ADGRV1: variants seen among roughly 807,000 people sequenced by gnomAD.
The protein encoded by ADGRV1 is G-protein coupled receptor 98.
In ADGRV1, 359 loss-of-function variants were observed where a neutral mutation model predicts 596.2. The ratio of observed to expected loss-of-function variants is 0.60; its 90% CI spans 0.55 to 0.66. ADGRV1 has a LOEUF of 0.66. Among genes scored for constraint, ADGRV1 ranks in the 30% least tolerant of loss-of-function variants. The probability of loss-of-function intolerance (pLI) is 0.00; values close to 1 mark genes in which losing one functional copy is unlikely to be tolerated. For missense variants in ADGRV1, 7,274 were observed against 7,575.6 expected, an observed-to-expected ratio of 0.96 and a Z score of 1.48; for synonymous variants, 2,681 against 2,679.2, an observed-to-expected ratio of 1.00 and a Z score of -0.02.
At chr5:90,560,825 T>C (rs1432587934) in intron 1 of ADGRV1, among the ~76,000 whole-genome samples, 2 of 152,166 alleles carry the variant, frequency 1.3e-5, no homozygotes, top group Non-Finnish European at 2.9e-5. Flanking sequence ...CACAAATGGT[T>C]TTATGGTAAT....
At chr5:91,005,215 T>C (rs1162838250) in intron 85 of ADGRV1, among the ~76,000 whole-genome samples, 1 of 152,166 alleles carries the variant, frequency 6.6e-6, no homozygotes, top group Non-Finnish European at 1.5e-5. Flanking sequence ...ACCTAAGATA[T>C]GGCTTGTAAA....
At chr5:90,804,643 A>G (rs1192340643) in intron 71 of ADGRV1, among the ~76,000 whole-genome samples, 1 of 152,234 alleles carries the variant, frequency 6.6e-6, no homozygotes, top group Non-Finnish European at 1.5e-5. Context: ...AGGTAAACTG[A>G]ATTGTTCAAA....
chr5:91,123,405 C>T (rs187856280), intron 87 of ADGRV1, among the ~76,000 whole-genome samples: 5 of 152,058 alleles, frequency 3.3e-5, no homozygotes, highest in Admixed American at 1.3e-4. Flanking sequence ...GCCTGTTTCT[C>T]GTAGATGGTG....
intron 85 of ADGRV1, among the ~76,000 whole-genome samples, chr5:91,051,941 G>A (rs1345678501): frequency 6.6e-6 from 1 of 152,066 alleles, no homozygotes; most frequent in Non-Finnish European, 1.5e-5. Context: ...TATAAAAGGT[G>A]GAAGAATATC....
intron 77 of ADGRV1, among the ~76,000 whole-genome samples, chr5:90,836,922 A>G (rs1765017856): frequency 6.6e-6 from 1 of 152,226 alleles, no homozygotes; most frequent in Admixed American, 6.5e-5. Context: ...AGAGACATAC[A>G]ATTCTCTTTT....
At chr5:91,084,829 C>A (rs541599249) in intron 86 of ADGRV1, among the ~76,000 whole-genome samples, 1 of 152,280 alleles carries the variant, frequency 6.6e-6, no homozygotes, top group East Asian at 1.9e-4. Context: ...GGAACCAACC[C>A]AAATGTCCAA....
chr5:90,611,770 A>G (rs1182099334), intron 1 of ADGRV1, among the ~76,000 whole-genome samples: 1 of 152,006 alleles, frequency 6.6e-6, no homozygotes, highest in South Asian at 2.1e-4. Context: ...GTGCTGTGTC[A>G]ATTACTAATG....
chr5:90,674,154 C>T lies in ADGRV1; in HGVS notation c.5030C>T (p.Ser1677Leu), dbSNP rs765157369. The T allele has an allele frequency of 1.3e-5, 21 of 1,613,142 alleles. No individual in the cohort carries two copies. In the South Asian group the frequency reaches 2.1e-4, roughly 16 times the overall value. The change falls in exon 23 of 90, where the codon TCA (serine) becomes TTA (leucine). Residue 1677 changes from serine (S) to leucine (L), a missense_variant. Transcript: ENST00000405460. ...SAIPGDGKLGSTPTSGASIDP... is the reference protein window; with the variant it reads ...SAIPGDGKLGLTPTSGASIDP... ...ATTCCTGGAGATGGGAAGCTAGGCT[C>T]AACTCCTACCAGTGGTGCAAGCATA... is the stretch of plus-strand genomic sequence containing the variant.
intron 1 of ADGRV1, among the ~76,000 whole-genome samples, chr5:90,595,041 T>C (rs1760094255): frequency 1.4e-5 from 2 of 143,774 alleles, no homozygotes; most frequent in African/African-American, 5.4e-5. Flanking sequence ...GAGGGGCTCC[T>C]CACTTCCCAG....
intron 86 of ADGRV1, among the ~76,000 whole-genome samples, chr5:91,078,265 T>A (rs186948349): frequency 3.2e-4 from 48 of 152,268 alleles, no homozygotes; most frequent in African/African-American, 1.1e-3. Context: ...ATCCCTTACA[T>A]CCTAAAGTTG....
chr5:90,707,356 G>A (rs1748738227), intron 38 of ADGRV1, among the ~76,000 whole-genome samples: 1 of 152,012 alleles, frequency 6.6e-6, no homozygotes, highest in Non-Finnish European at 1.5e-5. Flanking sequence ...GAGGGAGAAA[G>A]CATGAATATT....
intron 84 of ADGRV1, among the ~76,000 whole-genome samples, chr5:90,970,997 G>C (rs1010101491): frequency 4.6e-5 from 7 of 152,194 alleles, no homozygotes; most frequent in African/African-American, 1.4e-4. Context: ...AACCAGTGTA[G>C]AGAAGTCCTT....
chr5:90,993,154 CTTTTTTTT>C (rs1235025923), intron 85 of ADGRV1, among the ~76,000 whole-genome samples: 5 of 97,666 alleles, frequency 5.1e-5, no homozygotes, highest in African/African-American at 8.1e-5. Context: ...TTGGTTTTCA[CTTTTTTTT>C]TTTTTTTTTT....
chr5:91,044,468 A>G (rs924571717), intron 85 of ADGRV1, among the ~76,000 whole-genome samples: 39 of 152,288 alleles, frequency 2.6e-4, no homozygotes, highest in African/African-American at 9.4e-4. Context: ...CATTTTTTTC[A>G]GTATTGCTAT....
chr5:90,814,743 A>C (rs1452255387), intron 74 of ADGRV1, among the ~76,000 whole-genome samples: 1 of 152,158 alleles, frequency 6.6e-6, no homozygotes, highest in African/African-American at 2.4e-5. Context: ...TTTGTTTATA[A>C]ATTACCTAAT....
intron 85 of ADGRV1, among the ~76,000 whole-genome samples, chr5:90,996,487 A>G (rs928695895): frequency 1.5e-4 from 23 of 152,210 alleles, no homozygotes; most frequent in African/African-American, 5.1e-4. Flanking sequence ...CAGAGGATGT[A>G]TGGAAATGCC....
At chr5:90,989,499 C>T (rs1780789466) in intron 85 of ADGRV1, among the ~76,000 whole-genome samples, 1 of 152,154 alleles carries the variant, frequency 6.6e-6, no homozygotes, top group Admixed American at 6.6e-5. Context: ...TCATTTCAAC[C>T]ATCATCTCTT....
At chr5:90,853,978 A>G (rs1380915296) in intron 80 of ADGRV1, 84 bp from the exon 81 acceptor site, 7 of 976,636 alleles carry the variant, frequency 7.2e-6, no homozygotes, top group Non-Finnish European at 1.1e-5. Context: ...GCTACTAGAA[A>G]AATGAAGTCA....
chr5:90,896,714 A>G (rs1771360103), intron 83 of ADGRV1, among the ~76,000 whole-genome samples: 1 of 152,152 alleles, frequency 6.6e-6, no homozygotes, highest in East Asian at 1.9e-4. Context: ...GCTTTATTAT[A>G]TGGTTTAAAT....
Sources: allele counts gnomAD v4.1 joint callset (sites outside exome capture counted in the v4.1 genomes callset), GRCh38; gene constraint gnomAD v4.1.1; transcripts MANE v1.5; gene names NCBI Gene and HGNC (gene_info 2026-07-23, HGNC 2026-07-21).